Variants in VDR observed in about 807,000 individuals in gnomAD.
VDR encodes vitamin D receptor, also known as vitamin D3 receptor.
A neutral mutation model predicts 39.7 loss-of-function variants in VDR; 19 were observed. The ratio of observed to expected loss-of-function variants is 0.48; its 90% confidence interval spans 0.33 to 0.70. VDR has a LOEUF of 0.70. Among genes scored for constraint, VDR ranks in the 30% least tolerant of loss-of-function variants. VDR has a pLI of 0.02. For missense variants in VDR, 442 were observed against 570.5 expected, an observed-to-expected ratio of 0.77 and a Z score of 2.29; for synonymous variants, 242 against 215.8, an observed-to-expected ratio of 1.12 and a Z score of -1.07.
Position 47,882,729 on chromosome 12 carries a change from G to T in VDR, c.-38C>A, listed in dbSNP as rs1454359934. The T allele has an allele frequency of 4.6e-6, 7 of 1,532,624 alleles. No individual in the cohort carries two copies. The African/African-American group carries it at 6.9e-5, about 15-fold the overall frequency. 94.9% of individuals were successfully genotyped at this position (1,532,624 alleles called of 1,614,324 possible). On this transcript the variant is annotated 5_prime_UTR_variant, in exon 2 of 10. Coordinates refer to ENST00000549336, the MANE Select transcript of VDR (RefSeq NM_000376.3). ...AGGGGGCAGGTAAGTGGAGCCCAGGGGTGCTCTTCTGTGAGGTCTCACAGA... is the reference window on the plus strand; with the variant it reads ...AGGGGGCAGGTAAGTGGAGCCCAGGTGTGCTCTTCTGTGAGGTCTCACAGA...
chr12:47,849,360 A>T (rs1294960322), intron 7 of VDR, among the ~76,000 whole-genome samples: 1 of 152,180 alleles, frequency 6.6e-6, no homozygotes, highest in African/African-American at 2.4e-5. Flanking sequence ...TGGCTCCTAC[A>T]TAACCTCTGC....
Position 47,844,898 on chromosome 12 carries a change from G to A in VDR, c.1132C>T (p.Leu378=). 1 of 1,614,200 alleles carries A rather than the reference G, an allele frequency of 6.2e-7. No homozygotes were observed. Among genetic ancestry groups the A allele is most frequent in the East Asian group, 2.2e-5 (1 of 44,882 alleles). The stretch of plus-strand genomic sequence containing the variant: ...TTCTGGATCATCTTGGCATAGAGCA[G>A]GTGGCTGCCCGGGGGCGGGTGGCGG... ...RCRHPPPGSH[L]LYAKMIQKLA... Residue 378 remains leucine (L), a synonymous_variant, in exon 10 of 10, where the codon CTG becomes TTG. Transcript: ENST00000549336.
chr12:47,890,017 C>T (rs1161132155), intron 1 of VDR, among the ~76,000 whole-genome samples: 1 of 151,702 alleles, frequency 6.6e-6, no homozygotes, highest in African/African-American at 2.4e-5. Flanking sequence ...CTTTATTATA[C>T]TGATCTGGAA....
chr12:47,871,588 C>T (rs1300109000), intron 3 of VDR, among the ~76,000 whole-genome samples: 2 of 151,772 alleles, frequency 1.3e-5, no homozygotes, highest in African/African-American at 2.4e-5. Flanking sequence ...TTCAGCCTCC[C>T]GAGTAGCTGG....
chr12:47,896,953 T>G (rs564946497), intron 1 of VDR: 1 of 152,426 alleles, frequency 6.6e-6, no homozygotes, highest in East Asian at 1.9e-4. Flanking sequence ...TCGTACCACC[T>G]GCTGCGTTTT....
At chr12:47,850,493 G>A (rs1013442147) in intron 7 of VDR, among the ~76,000 whole-genome samples, 2 of 152,308 alleles carry the variant, frequency 1.3e-5, no homozygotes, top group South Asian at 4.2e-4. Flanking sequence ...TTCCATGGAT[G>A]CAGGCCAGAG....
intron 4 of VDR, among the ~76,000 whole-genome samples, chr12:47,859,526 T>C (rs1240312603): frequency 2.6e-5 from 4 of 152,222 alleles, no homozygotes; most frequent in Non-Finnish European, 5.9e-5. Flanking sequence ...CAAACCTGTA[T>C]GAGTTCTACC....
chr12:47,877,440 A>T (rs1592133810), intron 3 of VDR, among the ~76,000 whole-genome samples: 1 of 152,180 alleles, frequency 6.6e-6, no homozygotes, highest in Non-Finnish European at 1.5e-5. Context: ...ACTATGTAGC[A>T]GAGGGGGTGG....
In VDR at chr12:47,845,061, T is replaced by C. The variant is rs533037428; in HGVS notation, c.1025-56A>G. ...AGGAGCTCTCAGCTGGGCCCCTCAC[T>C]GCTCAATCCCACCACCCCCCACCCA... On this transcript the variant is annotated intron_variant, in intron 9 of 9. Transcript: ENST00000549336. The C allele has an allele frequency of 1.6e-4, 254 of 1,599,734 alleles. 3 individuals carry two copies. The African/African-American group carries it at 3.2e-3, about 20-fold the overall frequency.
chr12:47,857,625 T>A lies in VDR; in HGVS notation c.341A>T (p.Glu114Val). 2 of 1,614,126 alleles carry A rather than the reference T, an allele frequency of 1.2e-6. No individual in the cohort carries two copies. Reference protein sequence around the residue: ...REMILKRKEEEALKDSLRPKL... With the variant: ...REMILKRKEEVALKDSLRPKL... ...GGGCCGCAGACTGTCCTTCAAGGCC[T>A]CCTCCTCCTTCCGCTTCAGGATCAT... is the stretch of plus-strand genomic sequence containing the variant. Residue 114 changes from glutamate (E) to valine (V), a missense_variant, in exon 5 of 10, where the codon GAG becomes GTG. Transcript: ENST00000549336.
chr12:47,885,965 G>A (rs1946245450), intron 1 of VDR, among the ~76,000 whole-genome samples: 1 of 152,214 alleles, frequency 6.6e-6, no homozygotes, highest in African/African-American at 2.4e-5. Flanking sequence ...AGATGCCAAT[G>A]AGCAGGAAGG....
At chr12:47,853,915 C>T (rs546301185) in intron 7 of VDR, among the ~76,000 whole-genome samples, 13 of 150,982 alleles carry the variant, frequency 8.6e-5, no homozygotes, top group Non-Finnish European at 1.5e-4. Context: ...AGAGCGAAAC[C>T]GTCTCAAAAA....
At chr12:47,859,232 G>A (rs938010455) in intron 4 of VDR, among the ~76,000 whole-genome samples, 3 of 152,226 alleles carry the variant, frequency 2.0e-5, no homozygotes, top group Non-Finnish European at 4.4e-5. Flanking sequence ...ACACCATGGT[G>A]TCTACAGGCA....
chr12:47,901,029 C>T (rs770828426), intron 1 of VDR: 3 of 154,858 alleles, frequency 1.9e-5, no homozygotes, highest in Non-Finnish European at 2.9e-5. Flanking sequence ...GCCTTCCACT[C>T]CTGCTATTCA....
At chr12:47,882,019 A>G (rs554652472) in intron 2 of VDR, among the ~76,000 whole-genome samples, 11 of 152,330 alleles carry the variant, frequency 7.2e-5, no homozygotes, top group African/African-American at 2.6e-4. Flanking sequence ...GTAGGAAGGA[A>G]TATCTGTTAA....
chr12:47,888,846 G>A (rs1723803480), intron 1 of VDR, among the ~76,000 whole-genome samples: 1 of 152,114 alleles, frequency 6.6e-6, no homozygotes, highest in African/African-American at 2.4e-5. Context: ...CTGCAACACT[G>A]CAGGGTGACT....
intron 9 of VDR, 116 bp from the exon 10 acceptor site, chr12:47,845,121 C>A (rs1449546381): frequency 4.7e-6 from 7 of 1,492,208 alleles, no homozygotes; most frequent in Non-Finnish European, 4.6e-6. Flanking sequence ...CCTAGGCCAC[C>A]CCTCTATGAC....
Position 47,890,429 on chromosome 12 carries a change from TC to T in VDR, c.-83-7656del, listed in dbSNP as rs140898525. On this transcript the variant is annotated intron_variant, in intron 1 of 9. Coordinates refer to ENST00000549336, the MANE Select transcript of VDR (RefSeq NM_000376.3). ...ACACATAAACTAAATTCAGGATTGA[TC>T]CCAACCTTCTAGAGCCAGCTCCTCT... 4.7e-3 allele frequency among the ~76,000 whole-genome samples: 706 copies of T among 150,864 alleles called. 4 individuals are homozygous for T. Among genetic ancestry groups the T allele is most frequent in the African/African-American group, 0.016 (672 of 41,190 alleles).
rs60082435 is a variant in VDR at position 47,889,739 on chromosome 12, A to G, written c.-83-6965T>C. 1.2e-3 allele frequency among the ~76,000 whole-genome samples: 178 copies of G among 152,368 alleles called. 1 individual carries two copies. Among genetic ancestry groups the G allele is most frequent in the African/African-American group, 4.0e-3 (165 of 41,596 alleles). Reference sequence around the variant, plus strand: ...ATCCCCAAAGGGAGAGAGTAGGTCCAGCCCTTCTTTGGGGAGACCCAAACT... The same window carrying G: ...ATCCCCAAAGGGAGAGAGTAGGTCCGGCCCTTCTTTGGGGAGACCCAAACT... On this transcript the variant is annotated intron_variant, in intron 1 of 9. Transcript: ENST00000549336.
Sources: allele counts gnomAD v4.1 joint callset (sites outside exome capture counted in the v4.1 genomes callset), GRCh38; gene constraint gnomAD v4.1.1; transcripts MANE v1.5; gene names NCBI Gene and HGNC (gene_info 2026-07-23, HGNC 2026-07-21).